Variants in HMGXB4 observed in about 807,000 individuals in gnomAD.
The protein encoded by HMGXB4 is HMG-box containing 4, also known as HMG domain-containing protein 4.
A neutral mutation model predicts 63.9 loss-of-function variants in HMGXB4; 27 were observed. The observed-to-expected ratio is 0.42, with a 90% CI of 0.31 to 0.58. The LOEUF (loss-of-function observed/expected upper bound fraction) is 0.58. HMGXB4 is among the 20% of genes least tolerant of loss of function. The pLI, the probability that HMGXB4 is intolerant of heterozygous loss-of-function variation, is 0.13. For synonymous variants in HMGXB4, 264 were observed against 265.3 expected (o/e 0.99, Z 0.05); for missense variants, 624 against 700.7 (o/e 0.89, Z 1.24).
chr22:35,258,950 G>C (rs2235146), intron 1 of HMGXB4, among the ~76,000 whole-genome samples: 9,295 of 152,226 alleles, frequency 0.061, 373 homozygotes, highest in African/African-American at 0.11. Flanking sequence ...GAAGGTTGTT[G>C]ATTGCAGGAG....
At chr22:35,287,484 T>G in intron 8 of HMGXB4, 32 bp downstream of exon 8, 5 of 1,483,638 alleles carry the variant, frequency 3.4e-6, no homozygotes, top group Non-Finnish European at 3.7e-6. Flanking sequence ...TGCTTTTCTC[T>G]AAAGCATGTG....
chr22:35,251,625 G>C, the HMGXB4 span, among the ~76,000 whole-genome samples: 8 of 152,318 alleles, frequency 5.3e-5, no homozygotes, highest in Non-Finnish European at 1.2e-4. Flanking sequence ...ATGTTACCAG[G>C]TGTGTGGGAA....
At chr22:35,256,959 G>A (rs1323512893), upstream of HMGXB4, among the ~76,000 whole-genome samples, 2 of 152,128 alleles carry the variant, frequency 1.3e-5, no homozygotes, top group Non-Finnish European at 2.9e-5. Flanking sequence ...TAGATGATTC[G>A]CCATGCAAAT....
At position 35,259,025 on chromosome 22, in the gene HMGXB4, C is replaced by CTA. The variant is rs547218978; in HGVS notation, c.-69+1468_-69+1469insTA. On this transcript the variant is annotated intron_variant, in intron 1 of 10. Transcript: ENST00000216106. ...ACTGTAATTTGAAGTTTCAAAATGA[C>CTA]AAAGTGCTATATCTGAGGACTTTTT... Among the ~76,000 whole-genome samples the CTA allele has an allele frequency of 9.2e-5, 14 of 152,322 alleles. No homozygotes were observed. In the South Asian group the frequency reaches 2.9e-3, roughly 32 times the overall value.
chr22:35,252,486 G>C (rs79727439), upstream of HMGXB4, among the ~76,000 whole-genome samples: 9,497 of 152,226 alleles, frequency 0.062, 387 homozygotes, highest in African/African-American at 0.12. Flanking sequence ...TCTGTGATGG[G>C]CTTGTTTCAC....
At chr22:35,253,616 C>CGCGCGTGT (rs1555886297), upstream of HMGXB4, among the ~76,000 whole-genome samples, 1 of 106,412 alleles carries the variant, frequency 9.4e-6, no homozygotes, top group South Asian at 3.2e-4. Context: ...CGCGCGCGCG[C>CGCGCGTGT]GTGTGTGTGT....
chr22:35,280,212 G>A (rs1924160911), intron 5 of HMGXB4, among the ~76,000 whole-genome samples: 1 of 152,140 alleles, frequency 6.6e-6, no homozygotes, highest in Admixed American at 6.6e-5. Flanking sequence ...AGGAGCAGGG[G>A]TCTTGGGGGC....
intron 5 of HMGXB4, among the ~76,000 whole-genome samples, chr22:35,275,371 C>T (rs1456665077): frequency 2.6e-5 from 4 of 152,046 alleles, no homozygotes; most frequent in Admixed American, 6.6e-5. Context: ...CCACCTGCCT[C>T]GGCCTCCCAA....
At chr22:35,259,994 A>G (rs1039689848) in intron 1 of HMGXB4, among the ~76,000 whole-genome samples, 1 of 152,246 alleles carries the variant, frequency 6.6e-6, no homozygotes, top group Non-Finnish European at 1.5e-5. Flanking sequence ...TAAAGCAGCC[A>G]GTAACGAGAC....
intron 9 of HMGXB4, among the ~76,000 whole-genome samples, chr22:35,292,441 G>A (rs1221041018): frequency 6.6e-6 from 1 of 152,148 alleles, no homozygotes; most frequent in Non-Finnish European, 1.5e-5. Context: ...CTCGGCAGCA[G>A]CAACAGTCTT....
the HMGXB4 span, among the ~76,000 whole-genome samples, chr22:35,252,376 C>A: frequency 2.6e-5 from 4 of 152,330 alleles, no homozygotes; most frequent in African/African-American, 9.6e-5. Context: ...CTTTCCATTT[C>A]CCCCATGCTC....
intron 5 of HMGXB4, among the ~76,000 whole-genome samples, chr22:35,283,058 T>C (rs1218805140): frequency 2.0e-5 from 3 of 152,224 alleles, no homozygotes; most frequent in Non-Finnish European, 4.4e-5. Flanking sequence ...ACAGAGCTGT[T>C]TGTTGAAGTG....
chr22:35,262,186 T>G, intron 1 of HMGXB4, 137 bp from the exon 2 acceptor site: 2 of 603,922 alleles, frequency 3.3e-6, no homozygotes, highest in South Asian at 3.9e-5. Context: ...ACAAAGAGAA[T>G]GAGGAGGTGA....
rs372654716 is a variant in HMGXB4 at position 35,262,363 on chromosome 22, A to T, written c.-28A>T. 9.9e-6 allele frequency: 16 copies of T among 1,612,314 alleles called. No individual in the cohort carries two copies. Among genetic ancestry groups the T allele is most frequent in the Non-Finnish European group, 1.4e-5 (16 of 1,178,454 alleles). ...CGGGAAGGAGCCTGGACACAGTGAC[A>T]CATTCTCAAAGGCCCTGCAGGACCA... On this transcript the variant is annotated 5_prime_UTR_variant, in exon 2 of 11. Coordinates refer to ENST00000216106, the MANE Select transcript of HMGXB4 (RefSeq NM_001003681.3).
In HMGXB4 at chr22:35,262,110, T is replaced by G. The variant is rs564964939; in HGVS notation, c.-68-213T>G. On this transcript the variant is annotated intron_variant, in intron 1 of 10. Coordinates refer to ENST00000216106, the MANE Select transcript of HMGXB4 (RefSeq NM_001003681.3). ...TTTATATACTTCCCCAAATGACAAC[T>G]TTAATTCATGACTGAAATCTAATTA... The G allele has an allele frequency of 7.9e-6, 3 of 381,800 alleles. No individual in the cohort carries two copies. In the East Asian group the frequency reaches 1.3e-4, roughly 17 times the overall value. 23.7% of individuals were successfully genotyped at this position (381,800 alleles called of 1,614,324 possible).
intron 5 of HMGXB4, among the ~76,000 whole-genome samples, chr22:35,265,942 ATTTT>A (rs369153687): frequency 7.4e-6 from 1 of 135,782 alleles, no homozygotes; most frequent in Non-Finnish European, 1.6e-5. Context: ...CACCCGACTA[ATTTT>A]TTTTTTTTTT....
chr22:35,279,224 G>A lies in HMGXB4; in HGVS notation c.1216-4738G>A, dbSNP rs1303557075. Reference sequence around the variant, plus strand: ...TGCAATGGCACAATCTCGGCTCACCGCAACCTCTGTCTCCTGGGTTTTCAA... The same window carrying A: ...TGCAATGGCACAATCTCGGCTCACCACAACCTCTGTCTCCTGGGTTTTCAA... On this transcript the variant is annotated intron_variant, in intron 5 of 10. Coordinates refer to ENST00000216106, the MANE Select transcript of HMGXB4 (RefSeq NM_001003681.3). 9.1e-5 allele frequency among the ~76,000 whole-genome samples: 11 copies of A among 120,568 alleles called. No individual in the cohort carries two copies. The East Asian group carries it at 2.6e-3, about 29-fold the overall frequency. The allele number at this position is 120,568 out of a possible 152,430, so 79.1% of individuals were successfully genotyped here. A position where few individuals can be genotyped will look rare whatever the true frequency, so the allele number is the denominator to read the frequency against.
At chr22:35,259,695 A>G (rs1922716033) in intron 1 of HMGXB4, among the ~76,000 whole-genome samples, 1 of 152,236 alleles carries the variant, frequency 6.6e-6, no homozygotes, top group Admixed American at 6.5e-5. Flanking sequence ...GGTCTGCCCA[A>G]GCTGTGGCTG....
At chr22:35,278,809 C>G (rs1924060116) in intron 5 of HMGXB4, among the ~76,000 whole-genome samples, 1 of 149,326 alleles carries the variant, frequency 6.7e-6, no homozygotes, top group Admixed American at 6.7e-5. Context: ...CCACCACACC[C>G]AGCTAATTTT....
Sources: gnomAD v4.1 joint callset for allele counts (sites outside exome capture counted in the v4.1 genomes callset) on GRCh38, gnomAD v4.1.1 for gene constraint, MANE v1.5 for transcripts, NCBI Gene and HGNC (gene_info 2026-07-23, HGNC 2026-07-21) for gene names.